ABCC4: variants seen among roughly 807,000 people sequenced by gnomAD.
The protein encoded by ABCC4 is ATP-binding cassette sub-family C member 4.
Under a neutral mutation model 168.5 loss-of-function variants are expected in ABCC4, and 102 were observed. The ratio of observed to expected loss-of-function variants is 0.61; its 90% CI spans 0.52 to 0.71. The LOEUF (loss-of-function observed/expected upper bound fraction) is 0.71, where lower values mean the gene tolerates loss of function less well. Ranked by LOEUF, ABCC4 falls within the 30% of genes least tolerant of loss-of-function variation. The probability of loss-of-function intolerance (pLI) is 0.00; values close to 1 mark genes in which losing one functional copy is unlikely to be tolerated. For synonymous variants in ABCC4, 617 were observed against 590.7 expected (o/e 1.04, Z -0.65); for missense variants, 1,402 against 1,605.8 (o/e 0.87, Z 2.17).
chr13:95,301,180 G>C (rs1393103689), intron 1 of ABCC4, 61 bp downstream of exon 1: 4 of 1,492,120 alleles, frequency 2.7e-6, no homozygotes, highest in Non-Finnish European at 3.6e-6. Context: ...CGCGGCCCCG[G>C]GAGAGTGCGT....
chr13:95,060,008 G>A (rs966974493), intron 26 of ABCC4, among the ~76,000 whole-genome samples: 6 of 152,198 alleles, frequency 3.9e-5, no homozygotes, highest in Non-Finnish European at 8.8e-5. Context: ...AATGTGGGTC[G>A]TGTTGACGCT....
At chr13:95,262,981 CT>C (rs1190177181) in intron 1 of ABCC4, among the ~76,000 whole-genome samples, 1 of 152,106 alleles carries the variant, frequency 6.6e-6, no homozygotes, top group African/African-American at 2.4e-5. Context: ...AACAACTGTC[CT>C]TCTTGTGGGC....
At chr13:95,177,599 G>C (rs1338913163) in intron 13 of ABCC4, 108 bp downstream of exon 13, 5 of 795,820 alleles carry the variant, frequency 6.3e-6, no homozygotes, top group Non-Finnish European at 9.9e-6. Flanking sequence ...GTGTGGGGAG[G>C]GGAGCGGACA....
intron 19 of ABCC4, among the ~76,000 whole-genome samples, chr13:95,133,153 A>G (rs1450328572): frequency 3.3e-5 from 4 of 122,694 alleles, no homozygotes; most frequent in African/African-American, 1.3e-4. Context: ...TTGCTCTGTC[A>G]CCCAGGCTGG....
chr13:95,151,485 A>AT (rs1302037732), intron 19 of ABCC4, among the ~76,000 whole-genome samples: 1 of 151,110 alleles, frequency 6.6e-6, no homozygotes, highest in African/African-American at 2.4e-5. Context: ...AAGAAAAAAA[A>AT]AAAAAAAGAA....
chr13:95,188,383 G>A, intron 10 of ABCC4, 70 bp downstream of exon 10: 1 of 1,403,626 alleles, frequency 7.1e-7, no homozygotes, highest in Non-Finnish European at 1.0e-6. Context: ...ACGTAGCCTT[G>A]GGCTCAAACC....
At chr13:95,096,926 C>T (rs767883261) in intron 20 of ABCC4, among the ~76,000 whole-genome samples, 2 of 152,114 alleles carry the variant, frequency 1.3e-5, no homozygotes, top group Non-Finnish European at 2.9e-5. Context: ...TATGTATGCA[C>T]ATACATGCAT....
chr13:95,124,684 CA>C (rs752689049), intron 19 of ABCC4, among the ~76,000 whole-genome samples: 124 of 109,660 alleles, frequency 1.1e-3, no homozygotes, highest in Non-Finnish European at 1.9e-3. Context: ...ACCTGGCCAA[CA>C]TGGTGAAACC....
intron 1 of ABCC4, among the ~76,000 whole-genome samples, 165 bp from the exon 2 acceptor site, chr13:95,247,918 G>GCGCACACACA (rs145006616): frequency 1.4e-5 from 2 of 142,564 alleles, no homozygotes; most frequent in African/African-American, 2.8e-5. Context: ...GTTAACATGT[G>GCGCACACACA]CACACACACA....
intron 25 of ABCC4, among the ~76,000 whole-genome samples, chr13:95,064,243 C>T (rs12875609): frequency 0.22 from 3,462 of 15,574 alleles, 318 homozygotes; most frequent in Admixed American, 0.48. Context: ...TAGGTACATC[C>T]GGGTGTGTGT....
Position 95,166,158 on chromosome 13 carries a change from A to G in ABCC4, c.2034T>C (p.Asp678=). ...SLKDGALESQ[D]TENVPVTLSE... ...ATGTTGTAACAGGAGGTGAACTCACATCTTGGCTCTCCAGAGCACCATCTT... is the reference window on the plus strand; with the variant it reads ...ATGTTGTAACAGGAGGTGAACTCACGTCTTGGCTCTCCAGAGCACCATCTT... Residue 678 remains aspartate (D), a splice_region_variant and synonymous_variant, in exon 15 of 31, where the codon GAT becomes GAC. Transcript: ENST00000645237. The G allele has an allele frequency of 6.2e-7, 1 of 1,613,470 alleles. No homozygotes were observed. Among genetic ancestry groups the G allele is most frequent in the Non-Finnish European group, 8.5e-7 (1 of 1,179,374 alleles).
At chr13:95,073,164 A>AG (rs1853616726) in intron 24 of ABCC4, 40 bp downstream of exon 24, 1 of 1,500,902 alleles carries the variant, frequency 6.7e-7, no homozygotes, top group Non-Finnish European at 9.3e-7. Flanking sequence ...TTTAATGGCA[A>AG]GGAGATTGAA....
chr13:95,160,726 C>A (rs950186971), intron 19 of ABCC4, among the ~76,000 whole-genome samples: 3 of 152,124 alleles, frequency 2.0e-5, no homozygotes, highest in African/African-American at 4.8e-5. Context: ...CAGAAATGAA[C>A]GGGTTTCCCA....
At chr13:95,275,712 T>C (rs2040955051) in intron 1 of ABCC4, among the ~76,000 whole-genome samples, 1 of 145,782 alleles carries the variant, frequency 6.9e-6, no homozygotes, top group South Asian at 2.1e-4. Context: ...ATCTCTGTAC[T>C]GCACTCCAGC....
intron 1 of ABCC4, among the ~76,000 whole-genome samples, chr13:95,256,188 A>G (rs1287145845): frequency 1.3e-5 from 2 of 152,170 alleles, no homozygotes; most frequent in Non-Finnish European, 2.9e-5. Flanking sequence ...GGCTCAAGCA[A>G]CCCTCTCGCA....
In ABCC4 at chr13:95,163,108, T is replaced by C. The variant is rs1177762309; in HGVS notation, c.2308+14A>G. Reference sequence around the variant, plus strand: ...TCAGCCTCTCATACAATACACCAAATGATTAAACTTTACCTGAATAAATTC... The same window carrying C: ...TCAGCCTCTCATACAATACACCAAACGATTAAACTTTACCTGAATAAATTC... On this transcript the variant is annotated intron_variant, in intron 18 of 30. Coordinates refer to ENST00000645237, the MANE Select transcript of ABCC4 (RefSeq NM_005845.5). 6.3e-7 allele frequency: 1 copy of C among 1,583,530 alleles called. No individual in the cohort carries two copies. The highest frequency in any genetic ancestry group is 1.1e-5 in the South Asian group (1 of 90,124).
At chr13:95,124,384 C>T (rs2035677616) in intron 19 of ABCC4, among the ~76,000 whole-genome samples, 1 of 151,924 alleles carries the variant, frequency 6.6e-6, no homozygotes, top group Non-Finnish European at 1.5e-5. Flanking sequence ...TTCATTCACT[C>T]ATGATTGGAG....
chr13:95,237,314 T>A (rs1176316563), intron 3 of ABCC4, among the ~76,000 whole-genome samples: 2 of 152,194 alleles, frequency 1.3e-5, no homozygotes, highest in African/African-American at 4.8e-5. Context: ...AACCTTCAAC[T>A]AATAAGAAAC....
intron 30 of ABCC4, among the ~76,000 whole-genome samples, chr13:95,033,534 T>A (rs1312054230): frequency 3.3e-5 from 5 of 152,192 alleles, no homozygotes; most frequent in African/African-American, 1.2e-4. Flanking sequence ...TACTTCCACA[T>A]CACCATTGTT....
Sources: allele counts gnomAD v4.1 joint callset (sites outside exome capture counted in the v4.1 genomes callset), GRCh38; gene constraint gnomAD v4.1.1; transcripts MANE v1.5; gene names NCBI Gene and HGNC (gene_info 2026-07-23, HGNC 2026-07-21).